CANX: variants seen among roughly 807,000 people sequenced by gnomAD.
CANX encodes the protein epididymis secretory sperm binding protein.
In CANX, 14 loss-of-function variants were observed where a neutral mutation model predicts 75.7. That is an observed-to-expected ratio of 0.19 (90% CI 0.12 to 0.29). The LOEUF is 0.29. Among genes scored for constraint, CANX ranks in the 10% least tolerant of loss-of-function variants. CANX has a pLI of 1.00. For missense variants in CANX, 567 were observed against 713.2 expected (o/e 0.79, Z 2.34); for synonymous variants, 227 against 236.9 (o/e 0.96, Z 0.38).
chr5:179,728,988 A>T lies in CANX; in HGVS notation c.*344A>T, dbSNP rs1370361482. 1 of 336,718 alleles carries T rather than the reference A, an allele frequency of 3.0e-6. No individual in the cohort carries two copies. Among genetic ancestry groups the T allele is most frequent in the Non-Finnish European group, 5.7e-6 (1 of 175,774 alleles). 20.9% of individuals were successfully genotyped at this position (336,718 alleles called of 1,614,324 possible). A position where few individuals can be genotyped will look rare whatever the true frequency, so the allele number is the denominator to read the frequency against. On this transcript the variant is annotated 3_prime_UTR_variant, in exon 15 of 15. Coordinates refer to ENST00000247461, the MANE Select transcript of CANX (RefSeq NM_001746.4). ...TTAAGATCTTGGCTTAATTTAATGT[A>T]TTAATCTGTTTGTGCAAACATAATA...
chr5:179,728,549 T>C, intron 14 of CANX, 42 bp from the exon 15 acceptor site: 1 of 1,196,810 alleles, frequency 8.4e-7, no homozygotes, highest in Non-Finnish European at 1.2e-6. Context: ...TTTATTATTT[T>C]TTAAATGTGC....
At chr5:179,698,468 A>AG, upstream of CANX, 1 of 1,289,186 alleles carries the variant, frequency 7.8e-7, no homozygotes, top group Non-Finnish European at 1.0e-6. Context: ...TCACGCCCGT[A>AG]GGGGCCCGCG....
intron 1 of CANX, chr5:179,679,203 T>C: frequency 6.5e-7 from 1 of 1,534,592 alleles, no homozygotes; most frequent in Non-Finnish European, 8.7e-7. Context: ...TGGCGACTCG[T>C]GCTGCGCTCT....
At chr5:179,721,855 G>A (rs931127360) in intron 10 of CANX, among the ~76,000 whole-genome samples, 1 of 151,920 alleles carries the variant, frequency 6.6e-6, no homozygotes, top group African/African-American at 2.4e-5. Flanking sequence ...GGAGAAGCTG[G>A]TCTGATACTG....
chr5:179,722,664 T>C (rs190884681), intron 10 of CANX, 140 bp from the exon 11 acceptor site: 333 of 620,044 alleles, frequency 5.4e-4, no homozygotes, highest in Non-Finnish European at 8.0e-4. Context: ...TTGTTATTTA[T>C]TTTCCTGTTG....
intron 1 of CANX, among the ~76,000 whole-genome samples, chr5:179,681,356 C>A (rs746376962): frequency 1.3e-5 from 2 of 152,182 alleles, no homozygotes; most frequent in Admixed American, 6.6e-5. Context: ...CAGAGCGTGT[C>A]ATGGGTCAGG....
In CANX at chr5:179,684,932, T is replaced by G. The variant is rs1389067009; in HGVS notation, c.-4+6155T>G. On this transcript the variant is annotated intron_variant, in intron 1 of 14. Transcript: ENST00000681674. ...CACACCTGGCTAATTTTGTATTTTT[T>G]TTTTTTTTTTTTTTTTTTTTTTTTA... Among the ~76,000 whole-genome samples the G allele has an allele frequency of 1.1e-4, 13 of 122,480 alleles. No individual in the cohort carries two copies. In the East Asian group the frequency reaches 2.5e-3, roughly 23 times the overall value. The allele number at this position is 122,480 out of a possible 152,430, so 80.4% of individuals were successfully genotyped here.
intron 1 of CANX, among the ~76,000 whole-genome samples, chr5:179,690,356 ACC>A (rs1161994298): frequency 6.6e-6 from 1 of 151,846 alleles, no homozygotes; most frequent in Non-Finnish European, 1.5e-5. Flanking sequence ...CGGGTGGATC[ACC>A]TGAGGTCAGG....
intron 3 of CANX, among the ~76,000 whole-genome samples, chr5:179,706,593 G>A (rs376804168): frequency 7.2e-5 from 11 of 152,080 alleles, no homozygotes; most frequent in Non-Finnish European, 1.5e-5. Context: ...ATAGGCATGC[G>A]CCACCATGCT....
At chr5:179,690,504 A>G (rs1776281570) in intron 1 of CANX, among the ~76,000 whole-genome samples, 1 of 139,496 alleles carries the variant, frequency 7.2e-6, no homozygotes, top group South Asian at 2.4e-4. Flanking sequence ...TGAACCTGGG[A>G]GGCGGAGGTT....
chr5:179,701,568 T>C (rs1439949543), intron 1 of CANX, among the ~76,000 whole-genome samples: 1 of 150,976 alleles, frequency 6.6e-6, no homozygotes, highest in Non-Finnish European at 1.5e-5. Flanking sequence ...AGACTCCATC[T>C]CAGGAAAAAC....
At chr5:179,689,933 G>A (rs1306556139) in intron 1 of CANX, among the ~76,000 whole-genome samples, 1 of 152,188 alleles carries the variant, frequency 6.6e-6, no homozygotes, top group Non-Finnish European at 1.5e-5. Flanking sequence ...TCACTGAAAA[G>A]ATGAGGTTTG....
intron 1 of CANX, among the ~76,000 whole-genome samples, chr5:179,703,796 A>G (rs1190875028): frequency 6.6e-6 from 1 of 152,176 alleles, no homozygotes; most frequent in African/African-American, 2.4e-5. Flanking sequence ...TAAAAGACTT[A>G]GAAATTTTTG....
intron 1 of CANX, among the ~76,000 whole-genome samples, chr5:179,692,161 G>A (rs1359285110): frequency 7.3e-5 from 11 of 150,294 alleles, no homozygotes; most frequent in African/African-American, 2.0e-4. Context: ...TGCAACCTCC[G>A]CCTCCTGGGT....
chr5:179,728,132 AAG>A (rs925061714), intron 14 of CANX, among the ~76,000 whole-genome samples: 1 of 152,238 alleles, frequency 6.6e-6, no homozygotes, highest in Non-Finnish European at 1.5e-5. Context: ...CATTTAAAAA[AAG>A]GGAATATTTT....
chr5:179,724,903 G>A, intron 13 of CANX, 120 bp downstream of exon 13: 4 of 1,367,046 alleles, frequency 2.9e-6, no homozygotes, highest in South Asian at 3.1e-5. Context: ...TGTAATCCTA[G>A]CACTTTGGGA....
rs535378336 is a variant in CANX at position 179,680,442 on chromosome 5, C to T, written c.-4+1665C>T. ...TTGGGAAGGGGACCTGAAACAGCCT[C>T]TGCCTGCCCTCAAGGTGCTCCTAAT... On this transcript the variant is annotated intron_variant, in intron 1 of 14. Transcript: ENST00000681674. Among the ~76,000 whole-genome samples, 5 of 152,238 alleles carry T rather than the reference C, an allele frequency of 3.3e-5. No individual in the cohort carries two copies. The South Asian group carries it at 8.3e-4, about 25-fold the overall frequency.
At chr5:179,706,751 C>T (rs1008015115) in intron 3 of CANX, among the ~76,000 whole-genome samples, 1 of 152,186 alleles carries the variant, frequency 6.6e-6, no homozygotes, top group African/African-American at 2.4e-5. Context: ...GCCACCGCAC[C>T]TGGCCTGAAA....
intron 1 of CANX, among the ~76,000 whole-genome samples, chr5:179,681,944 TAAAAAAAA>T (rs58981244): frequency 8.0e-6 from 1 of 125,364 alleles, no homozygotes; most frequent in South Asian, 2.5e-4. Flanking sequence ...ACCCTGTGTT[TAAAAAAAA>T]AAAAAAAAAA....
Sources: allele counts gnomAD v4.1 joint callset (sites outside exome capture counted in the v4.1 genomes callset), GRCh38; gene constraint gnomAD v4.1.1; transcripts MANE v1.5; gene names NCBI Gene and HGNC (gene_info 2026-07-23, HGNC 2026-07-21).